Variants in TBX22 observed in about 807,000 individuals in gnomAD.
The protein encoded by TBX22 is T-box transcription factor 22, also known as T-box transcription factor TBX22.
Under a neutral mutation model 30.1 loss-of-function variants are expected in TBX22, and 8 were observed. That is an observed-to-expected ratio of 0.27 (90% CI 0.16 to 0.48). The LOEUF is 0.48. TBX22 is among the 20% of genes least tolerant of loss of function. TBX22 has a pLI of 0.99. For synonymous variants in TBX22, 173 were observed against 149.1 expected, an observed-to-expected ratio of 1.16 and a Z score of -1.17; for missense variants, 463 against 400.5, an observed-to-expected ratio of 1.16 and a Z score of -1.33.
intron 1 of TBX22, among the ~76,000 whole-genome samples, chrX:80,020,325 T>TAG (rs1923630984): frequency 1.4e-5 from 1 of 69,114 alleles, no homozygotes; most frequent in African/African-American, 8.1e-5. Flanking sequence ...AGATGATACA[T>TAG]ATAGATAGAT....
chrX:80,030,429 A>G (rs758800608), intron 8 of TBX22, 69 bp from the exon 9 acceptor site: 27 of 1,142,864 alleles, frequency 2.4e-5, no homozygotes, highest in Non-Finnish European at 3.0e-5. Context: ...AGTGAAGGAT[A>G]TGATTACTAA....
At chrX:80,022,664 C>A in intron 2 of TBX22, 1 of 453,806 alleles carries the variant, frequency 2.2e-6, no homozygotes, top group Non-Finnish European at 3.8e-6. Flanking sequence ...TGAAGTGAGT[C>A]TCTCCTACAT....
intron 1 of TBX22, among the ~76,000 whole-genome samples, chrX:80,020,484 A>T (rs997071675): frequency 1.8e-5 from 2 of 111,978 alleles, no homozygotes; most frequent in African/African-American, 6.5e-5. Flanking sequence ...AATTGGCCTT[A>T]CCTGTGAGGT....
intron 1 of TBX22, among the ~76,000 whole-genome samples, chrX:80,020,149 T>C (rs776542352): frequency 1.8e-5 from 2 of 111,972 alleles, no homozygotes; most frequent in Non-Finnish European, 3.8e-5. Flanking sequence ...ACAACACCTG[T>C]ATTAGGAGAT....
At chrX:80,024,227 A>G in intron 4 of TBX22, 63 bp downstream of exon 4, 1 of 1,001,300 alleles carries the variant, frequency 1.0e-6, no homozygotes, top group East Asian at 3.1e-5. Flanking sequence ...GGACCTTCAG[A>G]CCTGAAACCT....
At chrX:80,021,051 G>A (rs1923666217) in intron 1 of TBX22, among the ~76,000 whole-genome samples, 1 of 110,560 alleles carries the variant, frequency 9.0e-6, no homozygotes, top group African/African-American at 3.3e-5. Flanking sequence ...TTTGGATGTT[G>A]TAGACAAGTC....
chrX:80,026,179 A>G (rs755925558), intron 5 of TBX22, among the ~76,000 whole-genome samples: 23 of 111,215 alleles, frequency 2.1e-4, no homozygotes, highest in Non-Finnish European at 3.8e-4. Flanking sequence ...ATGGAAGGAT[A>G]CAAGTGGGGG....
At chrX:80,026,674 T>A (rs375457760) in intron 5 of TBX22, 30 bp from the exon 6 acceptor site, 6 of 1,208,760 alleles carry the variant, frequency 5.0e-6, no homozygotes, top group Non-Finnish European at 6.7e-6. Context: ...AAGCCAGTTT[T>A]TCTAACAGCA....
chrX:80,028,589 C>T (rs2147603774), intron 8 of TBX22, among the ~76,000 whole-genome samples: 1 of 111,973 alleles, frequency 8.9e-6, no homozygotes, highest in African/African-American at 3.2e-5. Flanking sequence ...TTGCCACAAG[C>T]ATTTAAAAAT....
rs1923995419 is a variant in TBX22 at position 80,026,762 on chromosome X, G to A, written c.692G>A (p.Ser231Asn). ...CGAGTGCACGTGATAGAGCAAGGCA[G>A]CAGTGTTGACCTGTCCCAGATTCAG... is the stretch of plus-strand genomic sequence containing the variant. ...KPRVHVIEQGSSVDLSQIQSL... is the reference protein window; with the variant it reads ...KPRVHVIEQGNSVDLSQIQSL... The change falls in exon 6 of 9, where the codon AGC (serine) becomes AAC (asparagine). Residue 231 changes from serine (S) to asparagine (N), a missense_variant. Transcript: ENST00000373296. The A allele has an allele frequency of 8.3e-7, 1 of 1,209,264 alleles. No individual in the cohort carries two copies. The highest frequency in any genetic ancestry group is 2.2e-5 in the Admixed American group (1 of 45,757).
chrX:80,021,856 C>T (rs781017599), intron 1 of TBX22, among the ~76,000 whole-genome samples: 18 of 112,357 alleles, frequency 1.6e-4, no homozygotes, highest in South Asian at 3.7e-4. Context: ...CCAGCACTTG[C>T]CAATCTCTGC....
chrX:80,019,757 T>A (rs781064675), intron 1 of TBX22, among the ~76,000 whole-genome samples: 13 of 111,673 alleles, frequency 1.2e-4, no homozygotes, highest in African/African-American at 4.2e-4. Context: ...TATATTTTAG[T>A]CTAGTACATA....
At position 80,026,715 on chromosome X, in the gene TBX22, A is replaced by T. The variant is rs747225015; in HGVS notation, c.645A>T (p.Gln215His). The T allele has an allele frequency of 2.5e-6, 3 of 1,211,678 alleles. No individual in the cohort carries two copies. In the Admixed American group the frequency reaches 6.5e-5, roughly 26 times the overall value. ...CATTTCTCCTCCAGATCATTCTGCA[A>T]TCCATGCATAAGTACAAACCCCGAG... ...EMDDKGHIIL[Q>H]SMHKYKPRVH... Residue 215 changes from glutamine to histidine, a missense_variant, in exon 6 of 9, where the codon CAA becomes CAT. Transcript: ENST00000373296.
chrX:80,015,552 C>A (rs1322704914), intron 1 of TBX22, among the ~76,000 whole-genome samples: 1 of 112,172 alleles, frequency 8.9e-6, no homozygotes, highest in Non-Finnish European at 1.9e-5. Context: ...TCAAAGTGTG[C>A]CAAAAAAGAT....
chrX:80,015,195 C>A (rs748583270), intron 1 of TBX22, among the ~76,000 whole-genome samples: 47 of 112,241 alleles, frequency 4.2e-4, no homozygotes, highest in Non-Finnish European at 8.3e-4. Flanking sequence ...TAGTCCCTCT[C>A]CTAGGCAGCA....
intron 5 of TBX22, 114 bp downstream of exon 5, chrX:80,025,891 G>T: frequency 1.5e-6 from 1 of 672,089 alleles, no homozygotes; most frequent in Admixed American, 2.8e-5. Context: ...TGTTTTTTAG[G>T]AACTGTTCAA....
rs367851770 is a variant in TBX22, at chrX:80,026,874, C to T, written c.798+6C>T. On this transcript the variant is annotated splice_donor_region_variant and intron_variant, in intron 6 of 8. Coordinates refer to ENST00000373296, the MANE Select transcript of TBX22 (RefSeq NM_001109878.2). ...CGGCTTACCAAAACCAACAGGTAAA[C>T]TTGGTCATGTCTCAGGCGAATGGAA... 9.1e-6 allele frequency: 11 copies of T among 1,209,335 alleles called. No individual in the cohort carries two copies. In the Admixed American group the frequency reaches 1.1e-4, roughly 12 times the overall value.
Position 80,022,258 on chromosome X carries a change from C to A in TBX22, c.-2-10C>A. On this transcript the variant is annotated splice_polypyrimidine_tract_variant and intron_variant, in intron 1 of 8. Coordinates refer to ENST00000373296, the MANE Select transcript of TBX22 (RefSeq NM_001109878.2). Reference sequence around the variant, plus strand: ...AACTTTGCTGCAAAGAATCCCTTCACCCCCTCCAGGGATGGCTCTGAGCTC... The same window carrying A: ...AACTTTGCTGCAAAGAATCCCTTCAACCCCTCCAGGGATGGCTCTGAGCTC... The A allele has an allele frequency of 8.3e-7, 1 of 1,210,614 alleles. No homozygotes were observed. The highest frequency in any genetic ancestry group is 3.0e-5 in the East Asian group (1 of 33,787).
chrX:80,016,182 G>A (rs956025305), intron 1 of TBX22, among the ~76,000 whole-genome samples: 6 of 112,405 alleles, frequency 5.3e-5, no homozygotes, highest in Non-Finnish European at 7.5e-5. Flanking sequence ...TACCTTATTC[G>A]CATGTCCTAG....
Sources: allele counts gnomAD v4.1 joint callset (sites outside exome capture counted in the v4.1 genomes callset), GRCh38; gene constraint gnomAD v4.1.1; transcripts MANE v1.5; gene names NCBI Gene and HGNC (gene_info 2026-07-23, HGNC 2026-07-21).